Variants in B3GALT1 observed in about 807,000 individuals in gnomAD.
The protein encoded by B3GALT1 is beta-1,3-galactosyltransferase 1.
A neutral mutation model predicts 23.2 loss-of-function variants in B3GALT1; 10 were observed. That is an observed-to-expected ratio of 0.43 (90% confidence interval 0.27 to 0.73). The LOEUF (loss-of-function observed/expected upper bound fraction) is 0.73. Ranked by LOEUF, B3GALT1 falls within the 30% of genes least tolerant of loss-of-function variation. The pLI is 0.21. For missense variants in B3GALT1, 299 were observed against 405.4 expected, an observed-to-expected ratio of 0.74 and a Z score of 2.25; for synonymous variants, 156 against 141.5, an observed-to-expected ratio of 1.10 and a Z score of -0.73.
chr2:167,470,441 A>G (rs151180602), intron 1 of B3GALT1, among the ~76,000 whole-genome samples: 2 of 152,330 alleles, frequency 1.3e-5, no homozygotes, highest in East Asian at 3.9e-4. Flanking sequence ...TACAAAACAT[A>G]TTGTAATCCA....
chr2:167,696,296 C>CAAAAAAAAA (rs35575073), intron 3 of B3GALT1, among the ~76,000 whole-genome samples: 1 of 91,836 alleles, frequency 1.1e-5, no homozygotes, highest in Non-Finnish European at 2.0e-5. Context: ...TGGTAAGAGG[C>CAAAAAAAAA]AAAAAAAAAA....
chr2:167,785,826 G>A (rs1432939209), intron 3 of B3GALT1, among the ~76,000 whole-genome samples: 1 of 152,172 alleles, frequency 6.6e-6, no homozygotes, highest in Non-Finnish European at 1.5e-5. Flanking sequence ...TTTTTACTCT[G>A]CTCTTTGTTC....
At chr2:167,410,567 A>G (rs1243856156) in intron 1 of B3GALT1, among the ~76,000 whole-genome samples, 1 of 150,902 alleles carries the variant, frequency 6.6e-6, no homozygotes, top group Non-Finnish European at 1.5e-5. Flanking sequence ...GGAATATCAC[A>G]CACTGGGGCC....
intron 3 of B3GALT1, among the ~76,000 whole-genome samples, chr2:167,735,100 G>A (rs866348597): frequency 1.1e-4 from 17 of 152,224 alleles, no homozygotes; most frequent in African/African-American, 3.6e-4. Context: ...GAATACAATC[G>A]TAAATATAAA....
At chr2:167,468,665 C>A (rs953422498) in intron 1 of B3GALT1, among the ~76,000 whole-genome samples, 3 of 152,046 alleles carry the variant, frequency 2.0e-5, no homozygotes, top group African/African-American at 7.2e-5. Context: ...TGAGGTCAGG[C>A]GTTCAAGACC....
intron 2 of B3GALT1, among the ~76,000 whole-genome samples, chr2:167,543,892 A>C (rs966054148): frequency 6.6e-6 from 1 of 152,214 alleles, no homozygotes; most frequent in Admixed American, 6.5e-5. Flanking sequence ...TCCTTACATA[A>C]CAAGAAGTCT....
intron 4 of B3GALT1, among the ~76,000 whole-genome samples, chr2:167,858,964 G>C (rs530548875): frequency 2.0e-5 from 3 of 152,120 alleles, no homozygotes; most frequent in Non-Finnish European, 2.9e-5. Flanking sequence ...CAGCTTTCTG[G>C]TTTCTAAGAA....
chr2:167,520,757 A>G (rs1700175654), intron 2 of B3GALT1, among the ~76,000 whole-genome samples: 1 of 152,208 alleles, frequency 6.6e-6, no homozygotes, highest in Admixed American at 6.5e-5. Context: ...GAAATGCGTT[A>G]GGATCTTGAT....
chr2:167,630,836 A>C (rs892814048), intron 2 of B3GALT1, among the ~76,000 whole-genome samples: 2 of 151,854 alleles, frequency 1.3e-5, no homozygotes, highest in Non-Finnish European at 2.9e-5. Context: ...ATACTGTAGA[A>C]CAAATATACC....
At chr2:167,330,882 G>A (rs1016683072) in intron 1 of B3GALT1, among the ~76,000 whole-genome samples, 2 of 151,270 alleles carry the variant, frequency 1.3e-5, no homozygotes, top group African/African-American at 4.9e-5. Context: ...GTATTCCTTT[G>A]AATGTATCAA....
intron 1 of B3GALT1, among the ~76,000 whole-genome samples, chr2:167,305,794 T>C (rs1045424832): frequency 6.6e-6 from 1 of 152,156 alleles, no homozygotes; most frequent in Non-Finnish European, 1.5e-5. Context: ...GCCATGAGAA[T>C]AAAGAATTTC....
intron 2 of B3GALT1, among the ~76,000 whole-genome samples, chr2:167,568,215 C>A (rs1038651658): frequency 3.3e-5 from 5 of 152,048 alleles, no homozygotes; most frequent in African/African-American, 1.2e-4. Flanking sequence ...TAGTTTTCAA[C>A]TTTTTTGAGT....
chr2:167,419,174 T>C (rs1231101007), intron 1 of B3GALT1, among the ~76,000 whole-genome samples: 1 of 152,220 alleles, frequency 6.6e-6, no homozygotes, highest in African/African-American at 2.4e-5. Flanking sequence ...CATAGTCTTA[T>C]CAAATAAAGA....
At chr2:167,451,356 G>A (rs1235401107) in intron 1 of B3GALT1, among the ~76,000 whole-genome samples, 1 of 152,132 alleles carries the variant, frequency 6.6e-6, no homozygotes, top group Non-Finnish European at 1.5e-5. Flanking sequence ...GCTCAAGGCT[G>A]CTGTTCACAT....
At chr2:167,384,926 T>A (rs1697904604) in intron 1 of B3GALT1, among the ~76,000 whole-genome samples, 1 of 152,040 alleles carries the variant, frequency 6.6e-6, no homozygotes, top group African/African-American at 2.4e-5. Flanking sequence ...TTTGTTTTTT[T>A]GAGCCCCATC....
chr2:167,549,434 G>A (rs1683706356), intron 2 of B3GALT1, among the ~76,000 whole-genome samples: 1 of 152,182 alleles, frequency 6.6e-6, no homozygotes, highest in Admixed American at 6.5e-5. Flanking sequence ...TCTTCACTCT[G>A]TATGGCATAC....
intron 1 of B3GALT1, among the ~76,000 whole-genome samples, chr2:167,295,190 A>G (rs1351759859): frequency 2.0e-5 from 3 of 152,130 alleles, no homozygotes; most frequent in South Asian, 4.1e-4. Flanking sequence ...GGATTTTTTT[A>G]TTATGATTTT....
At chr2:167,312,374 T>C (rs548424771) in intron 1 of B3GALT1, among the ~76,000 whole-genome samples, 1 of 152,152 alleles carries the variant, frequency 6.6e-6, no homozygotes, top group Non-Finnish European at 1.5e-5. Context: ...CTTTGGCCCT[T>C]AAATTATTTG....
chr2:167,854,771 A>C (rs1404850792), intron 4 of B3GALT1, among the ~76,000 whole-genome samples: 1 of 152,142 alleles, frequency 6.6e-6, no homozygotes, highest in African/African-American at 2.4e-5. Flanking sequence ...TTGGAACAGG[A>C]GAGGAGTTGG....
Sources: gnomAD v4.1 joint callset for allele counts (sites outside exome capture counted in the v4.1 genomes callset) on GRCh38, gnomAD v4.1.1 for gene constraint, MANE v1.5 for transcripts, NCBI Gene and HGNC (gene_info 2026-07-23, HGNC 2026-07-21) for gene names.